Variants in LRRK1 observed in about 807,000 individuals in gnomAD.
The protein encoded by LRRK1 is leucine rich repeat kinase 1, also known as leucine-rich repeat serine/threonine-protein kinase 1.
LRRK1 carries 113 observed loss-of-function variants against 209.1 expected under a neutral mutation model. The observed-to-expected ratio is 0.54, with a 90% CI of 0.46 to 0.63. LRRK1 has a LOEUF of 0.63. LRRK1 is among the 30% of genes least tolerant of loss of function. LRRK1 has a pLI of 0.00. For synonymous variants in LRRK1, 1,144 were observed against 1,099.7 expected (o/e 1.04, Z -0.80); for missense variants, 2,284 against 2,632.2 (o/e 0.87, Z 2.89).
rs933951296 is a variant in LRRK1 at position 101,027,925 on chromosome 15, C to T, written c.2686+128C>T. The stretch of plus-strand genomic sequence containing the variant: ...CAGCCTGCGTTTCTGCCTTCCATCC[C>T]CCTCCCCTTCCTTCTTCCCTCTCAC... On this transcript the variant is annotated intron_variant, in intron 19 of 33. Transcript: ENST00000388948. The surrounding 1 kb of genome is among the most constrained non-coding windows in gnomAD (Gnocchi z 5.1). 4.3e-5 allele frequency: 34 copies of T among 791,342 alleles called. No homozygotes were observed. Among genetic ancestry groups the T allele is most frequent in the South Asian group, 4.1e-4 (22 of 54,100 alleles). 49.0% of individuals were successfully genotyped at this position (791,342 alleles called of 1,614,324 possible). A position where few individuals can be genotyped will look rare whatever the true frequency, so the allele number is the denominator to read the frequency against.
intron 6 of LRRK1, among the ~76,000 whole-genome samples, chr15:100,996,779 G>A (rs1440941385): frequency 2.0e-5 from 3 of 152,184 alleles, no homozygotes; most frequent in Non-Finnish European, 2.9e-5. Flanking sequence ...TAAGACATCC[G>A]ACAAAGCAGT....
rs1472884841 is a variant in LRRK1 at position 101,066,642 on chromosome 15, G to A, written c.5771G>A (p.Arg1924His). ...CCTTCTGGGTTTTGGTTGCTTAGGC[G>A]CGGTGGAGATGTTATCGTCATTGGC... ...AVRDLIWVPR[R>H]GGDVIVIGLE... is the part of the protein sequence containing the mutation. The change falls in exon 33 of 34, where the codon CGC (arginine) becomes CAC (histidine). Residue 1924 changes from arginine (R) to histidine (H), a missense_variant and splice_region_variant. Coordinates refer to ENST00000388948, the MANE Select transcript of LRRK1 (RefSeq NM_024652.6). The A allele has an allele frequency of 7.4e-6, 12 of 1,614,106 alleles. No individual in the cohort carries two copies. Among genetic ancestry groups the A allele is most frequent in the African/African-American group, 1.3e-5 (1 of 75,064 alleles).
At chr15:101,048,377 G>A (rs2035205641) in intron 21 of LRRK1, 117 bp from the exon 22 acceptor site, 3 of 839,928 alleles carry the variant, frequency 3.6e-6, no homozygotes. Flanking sequence ...GGAGGAGAGG[G>A]TGGGAAAGAT....
intron 2 of LRRK1, among the ~76,000 whole-genome samples, chr15:100,930,110 C>A (rs2042182758): frequency 6.6e-6 from 1 of 152,232 alleles, no homozygotes; most frequent in African/African-American, 2.4e-5. Context: ...ACAACGCCAG[C>A]CTTTCTGTGG....
At chr15:100,937,620 T>C (rs928111655) in intron 2 of LRRK1, among the ~76,000 whole-genome samples, 4 of 151,678 alleles carry the variant, frequency 2.6e-5, no homozygotes, top group African/African-American at 9.7e-5. Flanking sequence ...CTGCAAGCTC[T>C]GCCTCCCAGG....
Position 101,070,308 on chromosome 15 carries a change from CTTTTTTTTTTTTTTTT to C in LRRK1, c.*1471_*1486del, listed in dbSNP as rs529158728. ...CTTGGAAAAAGCGAGTCCCCCCACT[CTTTTTTTTTTTTTTTT>C]TTTTTTTTTTACCAACCTGGGCACC... On this transcript the variant is annotated 3_prime_UTR_variant, in exon 34 of 34. Coordinates refer to ENST00000388948, the MANE Select transcript of LRRK1 (RefSeq NM_024652.6). The C allele has an allele frequency of 2.1e-5, 2 of 94,832 alleles. No individual in the cohort carries two copies. The highest frequency in any genetic ancestry group is 1.2e-4 in the Admixed American group (1 of 8,570). The allele number at this position is 94,832 out of a possible 1,614,324, so 5.9% of individuals were successfully genotyped here. A position where few individuals can be genotyped will look rare whatever the true frequency, so the allele number is the denominator to read the frequency against.
intron 23 of LRRK1, among the ~76,000 whole-genome samples, chr15:101,050,410 A>AG (rs959570062): frequency 1.3e-5 from 2 of 152,144 alleles, no homozygotes; most frequent in Admixed American, 6.5e-5. Flanking sequence ...GCAGCCTGCC[A>AG]GGGGGAGGCC....
chr15:100,960,251 T>G lies in LRRK1; in HGVS notation c.98-13553T>G, dbSNP rs544067224. ...CGTTCTTTGCTCTACTGAACAGTGC[T>G]GCAATCAGCATCTACGTTCATATTG... is the stretch of plus-strand genomic sequence containing the variant. On this transcript the variant is annotated intron_variant, in intron 2 of 33. Transcript: ENST00000388948. 2.7e-5 allele frequency among the ~76,000 whole-genome samples: 4 copies of G among 147,216 alleles called. No individual in the cohort carries two copies. The South Asian group carries it at 8.6e-4, about 32-fold the overall frequency.
chr15:100,962,818 T>TACACAC (rs1596204775), intron 2 of LRRK1, among the ~76,000 whole-genome samples: 2 of 33,338 alleles, frequency 6.0e-5, no homozygotes, highest in Non-Finnish European at 1.3e-4. Context: ...TATATATATA[T>TACACAC]ATATATTTTT....
chr15:100,926,652 CTTTCTTTTCTT>C (rs1410233568), intron 2 of LRRK1, among the ~76,000 whole-genome samples: 5 of 138,892 alleles, frequency 3.6e-5, no homozygotes, highest in South Asian at 4.9e-4. Context: ...CATTTTCTTT[CTTTCTTTTCTT>C]TTTCTTTTCT....
In LRRK1 at chr15:101,010,824, G is replaced by C; in HGVS notation, c.1268G>C (p.Trp423Ser). The change falls in exon 9 of 34, where the codon TGG (tryptophan) becomes TCG (serine). Residue 423 changes from tryptophan to serine, a missense_variant. Transcript: ENST00000388948. ...RNNLKVFPDP[W>S]ACPLKCCKAS... ...AACCTGAAGGTGTTTCCAGATCCCT[G>C]GGCCTGCCCTTTGGTGAGTATCACA... 1.2e-6 allele frequency: 2 copies of C among 1,611,800 alleles called. No homozygotes were observed. The highest frequency in any genetic ancestry group is 1.7e-6 in the Non-Finnish European group (2 of 1,179,432).
At chr15:101,061,071 A>G (rs1347719764) in intron 29 of LRRK1, 100 bp from the exon 30 acceptor site, 1 of 839,456 alleles carries the variant, frequency 1.2e-6, no homozygotes, top group Non-Finnish European at 2.0e-6. Flanking sequence ...GGGTGGGAGC[A>G]GGGGAGGTAG....
chr15:100,953,341 A>G (rs1292666245), intron 2 of LRRK1, among the ~76,000 whole-genome samples: 1 of 151,996 alleles, frequency 6.6e-6, no homozygotes, highest in African/African-American at 2.4e-5. Context: ...TTTAATTTGG[A>G]CTTTTTAAGA....
intron 9 of LRRK1, 68 bp from the exon 10 acceptor site, chr15:101,011,940 G>C (rs1010262427): frequency 2.6e-5 from 29 of 1,133,898 alleles, no homozygotes; most frequent in Non-Finnish European, 3.4e-5. Context: ...TTTGGAAACA[G>C]TCTCAAAGGC....
chr15:100,991,292 T>C (rs1383854522), intron 6 of LRRK1, among the ~76,000 whole-genome samples: 1 of 152,254 alleles, frequency 6.6e-6, no homozygotes, highest in African/African-American at 2.4e-5. Context: ...TTAGTTTTTT[T>C]CAAAGATATC....
chr15:100,955,914 A>G (rs901899021), intron 2 of LRRK1, among the ~76,000 whole-genome samples: 5 of 152,014 alleles, frequency 3.3e-5, no homozygotes, highest in Non-Finnish European at 5.9e-5. Context: ...GGATTTTTGC[A>G]CCTAAGTTCA....
intron 2 of LRRK1, among the ~76,000 whole-genome samples, chr15:100,941,444 G>GCGCCTGTA (rs2042427609): frequency 7.3e-6 from 1 of 137,278 alleles, no homozygotes; most frequent in Non-Finnish European, 1.5e-5. Context: ...GTGTGTGTGT[G>GCGCCTGTA]TCTGTGTGTG....
chr15:100,979,549 A>G (rs557383948), intron 3 of LRRK1, among the ~76,000 whole-genome samples: 2 of 152,324 alleles, frequency 1.3e-5, no homozygotes, highest in Admixed American at 1.3e-4. Context: ...AATCCATAAA[A>G]GAAATGATTT....
chr15:101,027,244 G>C lies in LRRK1; in HGVS notation c.2406-17G>C, dbSNP rs779642731. 6.2e-7 allele frequency: 1 copy of C among 1,613,896 alleles called. No individual in the cohort carries two copies. The highest frequency in any genetic ancestry group is 8.5e-7 in the Non-Finnish European group (1 of 1,179,914). On this transcript the variant is annotated splice_polypyrimidine_tract_variant and intron_variant, in intron 17 of 33. Transcript: ENST00000388948. The surrounding 1 kb of genome is among the most constrained non-coding windows in gnomAD (Gnocchi z 5.1). ...GAGTGGGGCATGATGAGTAAAGACG[G>C]GTCTTTTTGCTCACAGTGAGATTTC...
Sources: allele counts gnomAD v4.1 joint callset (sites outside exome capture counted in the v4.1 genomes callset), GRCh38; gene constraint gnomAD v4.1.1; non-coding constraint Gnocchi (gnomAD v3.1); transcripts MANE v1.5; gene names NCBI Gene and HGNC (gene_info 2026-07-23, HGNC 2026-07-21).